KIF26B: variants seen among roughly 807,000 people sequenced by gnomAD.
KIF26B encodes kinesin-like protein KIF26B.
KIF26B carries 63 observed loss-of-function variants against 151.2 expected under a neutral mutation model. The ratio of observed to expected loss-of-function variants is 0.42; its 90% CI spans 0.34 to 0.51. The LOEUF (loss-of-function observed/expected upper bound fraction) is 0.51. Among genes scored for constraint, KIF26B ranks in the 20% least tolerant of loss-of-function variants. The probability of loss-of-function intolerance (pLI) is 0.07; values close to 1 mark genes in which losing one functional copy is unlikely to be tolerated. For synonymous variants in KIF26B, 1,357 were observed against 1,262.1 expected, an observed-to-expected ratio of 1.08 and a Z score of -1.59; for missense variants, 2,813 against 2,913.6, an observed-to-expected ratio of 0.97 and a Z score of 0.79.
chr1:245,243,846 G>A (rs908113019), intron 2 of KIF26B, among the ~76,000 whole-genome samples: 4 of 147,718 alleles, frequency 2.7e-5, no homozygotes, highest in Non-Finnish European at 5.9e-5. Context: ...GTGAGACTCT[G>A]TCTTGTAAAA....
intron 2 of KIF26B, among the ~76,000 whole-genome samples, chr1:245,320,712 C>G (rs1471854513): frequency 1.3e-5 from 2 of 152,086 alleles, no homozygotes; most frequent in Non-Finnish European, 2.9e-5. Context: ...TTAGTCTCCT[C>G]TGTCACCCAG....
intron 2 of KIF26B, among the ~76,000 whole-genome samples, chr1:245,212,904 C>T (rs1030928962): frequency 9.2e-5 from 14 of 152,328 alleles, no homozygotes; most frequent in South Asian, 2.1e-4. Flanking sequence ...GGATTCTAGA[C>T]GTCATTGATG....
chr1:245,569,913 G>A (rs116569680), intron 5 of KIF26B, among the ~76,000 whole-genome samples: 9,900 of 110,694 alleles, frequency 0.089, 558 homozygotes, highest in Middle Eastern at 0.16. Context: ...GGAAACCTAC[G>A]TTGTAAATAG....
chr1:245,303,065 C>T (rs1428401248), intron 2 of KIF26B, among the ~76,000 whole-genome samples: 1 of 150,566 alleles, frequency 6.6e-6, no homozygotes, highest in Non-Finnish European at 1.5e-5. Flanking sequence ...TTAGAATACA[C>T]CGGGAAATCT....
chr1:245,490,574 G>A (rs1417645345), intron 4 of KIF26B, among the ~76,000 whole-genome samples: 2 of 152,112 alleles, frequency 1.3e-5, no homozygotes, highest in Non-Finnish European at 2.9e-5. Context: ...GCCACCCAAA[G>A]TGCTGGAATT....
chr1:245,264,771 T>C (rs890573603), intron 2 of KIF26B, among the ~76,000 whole-genome samples: 1 of 150,160 alleles, frequency 6.7e-6, no homozygotes, highest in Non-Finnish European at 1.5e-5. Flanking sequence ...CGGGCTCCTG[T>C]AGTCCCAGCT....
chr1:245,629,900 A>AAAC (rs397722875), intron 9 of KIF26B, among the ~76,000 whole-genome samples: 1 of 149,492 alleles, frequency 6.7e-6, no homozygotes, highest in Non-Finnish European at 1.5e-5. Flanking sequence ...TACAAGAAAA[A>AAAC]CAAACATCAA....
intron 3 of KIF26B, among the ~76,000 whole-genome samples, chr1:245,381,540 T>A (rs1673409450): frequency 6.6e-6 from 1 of 152,142 alleles, no homozygotes; most frequent in African/African-American, 2.4e-5. Flanking sequence ...CAGTGTTTTT[T>A]AAGTGTGGCC....
chr1:245,593,507 T>C (rs890755665), intron 5 of KIF26B, among the ~76,000 whole-genome samples: 1 of 152,228 alleles, frequency 6.6e-6, no homozygotes, highest in Admixed American at 6.5e-5. Context: ...GAACTCATCC[T>C]TTTTTATGGC....
chr1:245,240,693 G>A (rs1670199034), intron 2 of KIF26B, among the ~76,000 whole-genome samples: 1 of 152,206 alleles, frequency 6.6e-6, no homozygotes, highest in South Asian at 2.1e-4. Flanking sequence ...AACAAGGGAA[G>A]TTTTAGTGAG....
At chr1:245,493,337 C>A (rs1427478406) in intron 4 of KIF26B, among the ~76,000 whole-genome samples, 1 of 152,170 alleles carries the variant, frequency 6.6e-6, no homozygotes, top group African/African-American at 2.4e-5. Flanking sequence ...CCAATCAGTT[C>A]AAATCCCTAA....
chr1:245,559,451 C>T (rs1176728317), intron 5 of KIF26B, among the ~76,000 whole-genome samples: 2 of 151,768 alleles, frequency 1.3e-5, no homozygotes, highest in Non-Finnish European at 2.9e-5. Context: ...CTTGCTCTGT[C>T]GCCCACGTTG....
rs978457117 is a variant in KIF26B, at chr1:245,439,868, G to T, written c.1166+20123G>T. On this transcript the variant is annotated intron_variant, in intron 4 of 14. Transcript: ENST00000407071. ...AATATTGAAAATATTGAAACAAAGT[G>T]AAAGGTACCACCTTACCCTTGGGCA... Among the ~76,000 whole-genome samples the T allele has an allele frequency of 2.0e-5, 3 of 152,162 alleles. 1 individual carries two copies. The South Asian group carries it at 6.2e-4, about 32-fold the overall frequency.
At chr1:245,455,977 G>A (rs12750354) in intron 4 of KIF26B, among the ~76,000 whole-genome samples, 33,963 of 151,952 alleles carry the variant, frequency 0.22, 4,361 homozygotes, top group East Asian at 0.3. Flanking sequence ...TTACAAATCT[G>A]GCCCATTAAA....
chr1:245,417,301 CT>C (rs56700575), intron 3 of KIF26B, among the ~76,000 whole-genome samples: 95,689 of 150,582 alleles, frequency 0.64, 30,880 homozygotes, highest in Middle Eastern at 0.71. Context: ...AAGGGGAAGA[CT>C]TTTTTTTTTC....
At chr1:245,684,452 C>T in intron 11 of KIF26B, 57 bp downstream of exon 11, 1 of 1,492,982 alleles carries the variant, frequency 6.7e-7, no homozygotes, top group Non-Finnish European at 9.0e-7. Context: ...GAGCCGTGCC[C>T]TGGAACAGAG....
chr1:245,421,449 A>G (rs959076553), intron 4 of KIF26B, among the ~76,000 whole-genome samples: 1 of 152,164 alleles, frequency 6.6e-6, no homozygotes, highest in Non-Finnish European at 1.5e-5. Flanking sequence ...CCAGCTCAGA[A>G]TGAAGAACTT....
At position 245,335,638 on chromosome 1, in the gene KIF26B, A is replaced by G. The variant is rs191049183; in HGVS notation, c.466-31196A>G. Among the ~76,000 whole-genome samples the G allele has an allele frequency of 7.6e-4, 106 of 139,086 alleles. 1 individual carries two copies. Among genetic ancestry groups the G allele is most frequent in the Admixed American group, 2.1e-3 (30 of 14,128 alleles). 91.2% of individuals were successfully genotyped at this position (139,086 alleles called of 152,430 possible). ...GGAGAGTCCCACGAGGGGAAAGGAG[A>G]GTCCCACGAGGGGAAAGGGGGGTCC... On this transcript the variant is annotated intron_variant, in intron 2 of 14. Transcript: ENST00000407071.
chr1:245,397,053 A>T (rs1673864254), intron 3 of KIF26B, among the ~76,000 whole-genome samples: 1 of 148,332 alleles, frequency 6.7e-6, no homozygotes, highest in South Asian at 2.1e-4. Flanking sequence ...CTACCACCCT[A>T]GGCTCAAGCA....
Sources: allele counts gnomAD v4.1 joint callset (sites outside exome capture counted in the v4.1 genomes callset), GRCh38; gene constraint gnomAD v4.1.1; transcripts MANE v1.5; gene names NCBI Gene and HGNC (gene_info 2026-07-23, HGNC 2026-07-21).